Variants in IQCJ observed in about 807,000 individuals in gnomAD.
The protein encoded by IQCJ is IQ domain-containing protein J.
In IQCJ, 9 loss-of-function variants were observed where a neutral mutation model predicts 11.0. That is an observed-to-expected ratio of 0.82 (90% CI 0.49 to 1.43). IQCJ has a LOEUF of 1.43. Ranked by LOEUF, IQCJ falls within the 40% of genes most tolerant of loss-of-function variation. The probability of loss-of-function intolerance (pLI) is 0.00; values close to 1 mark genes in which losing one functional copy is unlikely to be tolerated. For missense variants in IQCJ, 146 were observed against 133.2 expected (o/e 1.10, Z -0.47); for synonymous variants, 55 against 51.3 (o/e 1.07, Z -0.31).
At chr3:159,090,028 G>GT (rs1288968096) in intron 1 of IQCJ, among the ~76,000 whole-genome samples, 1 of 151,668 alleles carries the variant, frequency 6.6e-6, no homozygotes, top group East Asian at 1.9e-4. Flanking sequence ...TTTCTGCTCG[G>GT]TTTTTTCCCC....
intron 1 of IQCJ, among the ~76,000 whole-genome samples, chr3:159,110,680 G>C (rs1305063774): frequency 1.3e-5 from 2 of 152,146 alleles, no homozygotes; most frequent in Non-Finnish European, 2.9e-5. Flanking sequence ...CCAGCACCCA[G>C]CGCAGTACCT....
Position 159,132,372 on chromosome 3 carries a change from C to T in IQCJ, c.9+62931C>T, listed in dbSNP as rs188071050. 7.9e-4 allele frequency among the ~76,000 whole-genome samples: 120 copies of T among 152,300 alleles called. 2 individuals are homozygous for T. The South Asian group carries it at 0.017, about 22-fold the overall frequency. The stretch of plus-strand genomic sequence containing the variant: ...ATCCAGGCATGGATTAAGATGCTGT[C>T]ATTTGAAGATCTTTCTGGCTGGATT... On this transcript the variant is annotated intron_variant, in intron 1 of 3. Coordinates refer to ENST00000397832, the MANE Select transcript of IQCJ (RefSeq NM_001042706.3).
In IQCJ at chr3:159,093,160, C is replaced by A. The variant is rs575450263; in HGVS notation, c.9+23719C>A. On this transcript the variant is annotated intron_variant, in intron 1 of 3. Coordinates refer to ENST00000397832, the MANE Select transcript of IQCJ (RefSeq NM_001042706.3). ...ATTAATCTGTGTCCTTCAGAATCTTCTACTCACATCTCAGTCAGCAGGTGT... is the reference window on the plus strand; with the variant it reads ...ATTAATCTGTGTCCTTCAGAATCTTATACTCACATCTCAGTCAGCAGGTGT... 3.9e-4 allele frequency among the ~76,000 whole-genome samples: 59 copies of A among 151,940 alleles called. 1 individual carries two copies. The highest frequency in any genetic ancestry group is 2.9e-3 in the Admixed American group (44 of 15,290).
intron 1 of IQCJ, among the ~76,000 whole-genome samples, chr3:159,129,036 G>A (rs1218546878): frequency 2.0e-5 from 3 of 151,812 alleles, no homozygotes; most frequent in Non-Finnish European, 2.9e-5. Flanking sequence ...CTCATCACAC[G>A]TTCAACAACA....
At chr3:159,142,620 G>A (rs1720682396) in intron 1 of IQCJ, among the ~76,000 whole-genome samples, 2 of 152,268 alleles carry the variant, frequency 1.3e-5, no homozygotes, top group African/African-American at 4.8e-5. Context: ...GTTTCACCAT[G>A]TTGGCCAGGC....
chr3:159,227,130 T>C (rs1172321643), intron 1 of IQCJ, among the ~76,000 whole-genome samples: 1 of 152,166 alleles, frequency 6.6e-6, no homozygotes. Flanking sequence ...GTTTAAGTAA[T>C]GGGATGCTTT....
intron 1 of IQCJ, among the ~76,000 whole-genome samples, chr3:159,157,701 A>G (rs1352779466): frequency 6.6e-6 from 1 of 152,232 alleles, no homozygotes; most frequent in East Asian, 1.9e-4. Flanking sequence ...ATGGCCCAGC[A>G]TACAAATAAC....
At chr3:159,220,552 A>G (rs557893012) in intron 1 of IQCJ, among the ~76,000 whole-genome samples, 2 of 152,214 alleles carry the variant, frequency 1.3e-5, no homozygotes, top group Admixed American at 1.3e-4. Flanking sequence ...ATACATTTCT[A>G]TTGGTTCAGC....
Position 159,084,921 on chromosome 3 carries a change from T to A in IQCJ, c.9+15480T>A, listed in dbSNP as rs997416206. Among the ~76,000 whole-genome samples the A allele has an allele frequency of 3.0e-4, 46 of 151,366 alleles. 1 individual carries two copies. The highest frequency in any genetic ancestry group is 5.9e-4 in the Non-Finnish European group (40 of 67,782). On this transcript the variant is annotated intron_variant, in intron 1 of 3. Transcript: ENST00000397832. ...AGGGGAATGCATAAGTTCTTTTTTT[T>A]TTATTATTATTATACTTTAAGTTTT...
At chr3:159,228,528 C>T (rs530723482) in intron 1 of IQCJ, among the ~76,000 whole-genome samples, 3 of 151,952 alleles carry the variant, frequency 2.0e-5, no homozygotes, top group Non-Finnish European at 4.4e-5. Flanking sequence ...CGGTGGCTCA[C>T]GCCTGTAATC....
intron 1 of IQCJ, among the ~76,000 whole-genome samples, chr3:159,225,959 A>AC (rs1213939780): frequency 1.3e-5 from 2 of 152,276 alleles, no homozygotes; most frequent in Non-Finnish European, 2.9e-5. Context: ...CACTTTACTT[A>AC]CTATTATTGG....
intron 1 of IQCJ, among the ~76,000 whole-genome samples, chr3:159,089,845 C>T (rs1255571721): frequency 1.3e-5 from 2 of 151,694 alleles, no homozygotes; most frequent in Admixed American, 1.3e-4. Flanking sequence ...AAGTTTTCAA[C>T]TTCTTTGCCT....
At chr3:159,257,690 C>T (rs1171100672) in intron 3 of IQCJ, among the ~76,000 whole-genome samples, 1 of 152,148 alleles carries the variant, frequency 6.6e-6, no homozygotes, top group Non-Finnish European at 1.5e-5. Flanking sequence ...GGATAGATAA[C>T]AAATGATGCA....
chr3:159,258,304 C>A (rs1052185844), intron 3 of IQCJ, among the ~76,000 whole-genome samples: 3 of 152,188 alleles, frequency 2.0e-5, no homozygotes, highest in Non-Finnish European at 4.4e-5. Flanking sequence ...TTTAATAGAC[C>A]TGGCTTGAAC....
At chr3:159,158,429 C>A (rs544127428) in intron 1 of IQCJ, among the ~76,000 whole-genome samples, 2 of 152,268 alleles carry the variant, frequency 1.3e-5, no homozygotes, top group Admixed American at 1.3e-4. Context: ...TTAGTGGTGT[C>A]ATTGGTCTTC....
At chr3:159,192,450 A>G (rs1723744417) in intron 1 of IQCJ, among the ~76,000 whole-genome samples, 1 of 152,106 alleles carries the variant, frequency 6.6e-6, no homozygotes, top group Non-Finnish European at 1.5e-5. Flanking sequence ...TACATAAGAG[A>G]GTGAAGGAAG....
rs1438556227 is a variant in IQCJ, at chr3:159,240,174, C to T, written c.10-5669C>T. On this transcript the variant is annotated intron_variant, in intron 1 of 3. Coordinates refer to ENST00000397832, the MANE Select transcript of IQCJ (RefSeq NM_001042706.3). ...CTATAGGACTAAAGAGTAAGTTTTACCCTAAAAATAAAATGACATGTTAAA... is the reference window on the plus strand; with the variant it reads ...CTATAGGACTAAAGAGTAAGTTTTATCCTAAAAATAAAATGACATGTTAAA... Among the ~76,000 whole-genome samples the T allele has an allele frequency of 2.6e-5, 4 of 152,004 alleles. No homozygotes were observed. In the East Asian group the frequency reaches 7.7e-4, roughly 29 times the overall value.
At chr3:159,135,528 AG>A (rs1720238491) in intron 1 of IQCJ, among the ~76,000 whole-genome samples, 1 of 152,214 alleles carries the variant, frequency 6.6e-6, no homozygotes, top group Non-Finnish European at 1.5e-5. Context: ...CTCAAAATAC[AG>A]TGATGCTGGG....
At chr3:159,121,340 G>T in intron 1 of IQCJ, among the ~76,000 whole-genome samples, 1 of 151,948 alleles carries the variant, frequency 6.6e-6, no homozygotes, top group East Asian at 1.9e-4. Context: ...TTGCCATGTT[G>T]CCCAGGCTGA....
Sources: gnomAD v4.1 joint callset for allele counts (sites outside exome capture counted in the v4.1 genomes callset) on GRCh38, gnomAD v4.1.1 for gene constraint, MANE v1.5 for transcripts, NCBI Gene and HGNC (gene_info 2026-07-23, HGNC 2026-07-21) for gene names.